The following CDCA8 variants were observed in gnomAD, a reference collection of about 807,000 sequenced individuals.
CDCA8 encodes borealin.
Under a neutral mutation model 40.0 loss-of-function variants are expected in CDCA8, and 25 were observed. That is an observed-to-expected ratio of 0.63 (90% confidence interval 0.46 to 0.87). CDCA8 has a LOEUF of 0.87. Ranked by LOEUF, CDCA8 falls within the 40% of genes least tolerant of loss-of-function variation. The probability of loss-of-function intolerance (pLI) is 0.00; values close to 1 mark genes in which losing one functional copy is unlikely to be tolerated. For synonymous variants in CDCA8, 111 were observed against 126.5 expected (o/e 0.88, Z 0.82); for missense variants, 280 against 348.4 (o/e 0.80, Z 1.56).
In CDCA8 at chr1:37,700,364, C is replaced by T. The variant is rs1645555508; in HGVS notation, c.338-72C>T. ...GCTTAAGATTGTGTACATTTTATTC[C>T]TATAAGAAATGTGAATGCACAAAAC... On this transcript the variant is annotated intron_variant, in intron 4 of 9. Coordinates refer to ENST00000373055, the MANE Select transcript of CDCA8 (RefSeq NM_001256875.2). 18 of 864,184 alleles carry T rather than the reference C, an allele frequency of 2.1e-5. No individual in the cohort carries two copies. The South Asian group carries it at 2.5e-4, about 12-fold the overall frequency. 53.5% of individuals were successfully genotyped at this position (864,184 alleles called of 1,614,324 possible). A position where few individuals can be genotyped will look rare whatever the true frequency, so the allele number is the denominator to read the frequency against.
intron 9 of CDCA8, 129 bp from the exon 10 acceptor site, chr1:37,708,193 A>T (rs1645615889): frequency 2.6e-6 from 2 of 768,434 alleles, no homozygotes; most frequent in Admixed American, 4.1e-5. Context: ...GATGAGAAAC[A>T]GGTTCAGAAA....
chr1:37,708,600 C>A lies in CDCA8; in HGVS notation c.*234C>A. 1.8e-6 allele frequency: 1 copy of A among 559,748 alleles called. No individual in the cohort carries two copies. Among genetic ancestry groups the A allele is most frequent in the Non-Finnish European group, 3.2e-6 (1 of 311,344 alleles). 34.7% of individuals were successfully genotyped at this position (559,748 alleles called of 1,614,324 possible). Reference sequence around the variant, plus strand: ...GCTTGCTGGGGCCATGCCATGGAAGCTTCCCATCAGTCTCCCAGCTGAATC... The same window carrying A: ...GCTTGCTGGGGCCATGCCATGGAAGATTCCCATCAGTCTCCCAGCTGAATC... On this transcript the variant is annotated 3_prime_UTR_variant, in exon 10 of 10. Coordinates refer to ENST00000373055, the MANE Select transcript of CDCA8 (RefSeq NM_001256875.2).
At chr1:37,693,711 T>C (rs1645499367) in intron 2 of CDCA8, among the ~76,000 whole-genome samples, 1 of 152,140 alleles carries the variant, frequency 6.6e-6, no homozygotes, top group Non-Finnish European at 1.5e-5. Context: ...AAAATAGTAT[T>C]TTTAAAAATA....
At chr1:37,702,036 A>AC (rs971916014) in intron 6 of CDCA8, among the ~76,000 whole-genome samples, 1 of 110,106 alleles carries the variant, frequency 9.1e-6, no homozygotes, top group African/African-American at 3.7e-5. Flanking sequence ...ATCCTTCCCC[A>AC]CTTTTTTTTT....
chr1:37,695,736 T>A (rs539171486), intron 2 of CDCA8, among the ~76,000 whole-genome samples, 174 bp from the exon 3 acceptor site: 2 of 152,266 alleles, frequency 1.3e-5, no homozygotes, highest in Non-Finnish European at 2.9e-5. Context: ...TGGCAACAAG[T>A]CATGAGAGTC....
chr1:37,702,251 C>G (rs1645570248), intron 6 of CDCA8, among the ~76,000 whole-genome samples: 1 of 151,742 alleles, frequency 6.6e-6, no homozygotes, highest in African/African-American at 2.4e-5. Flanking sequence ...GTTGGTCAGG[C>G]TGGTCTTGAA....
intron 5 of CDCA8, 80 bp from the exon 6 acceptor site, chr1:37,701,673 TA>T (rs71701232): frequency 0.088 from 55,583 of 632,956 alleles, 31 homozygotes; most frequent in Non-Finnish European, 0.097. Flanking sequence ...CTTAATGCTT[TA>T]AAAAAAAAAA....
intron 4 of CDCA8, among the ~76,000 whole-genome samples, chr1:37,699,469 C>G (rs150943802): frequency 6.6e-6 from 1 of 152,002 alleles, no homozygotes; most frequent in South Asian, 2.1e-4. Flanking sequence ...CGGTAGCTCA[C>G]GCCTGTAATC....
intron 9 of CDCA8, among the ~76,000 whole-genome samples, chr1:37,707,996 G>A (rs536566493): frequency 1.3e-5 from 2 of 152,260 alleles, no homozygotes; most frequent in East Asian, 3.9e-4. Flanking sequence ...TCCAAGGAAG[G>A]GGACAAGGCG....
chr1:37,698,181 T>C (rs1486957125), intron 3 of CDCA8, among the ~76,000 whole-genome samples: 1 of 152,236 alleles, frequency 6.6e-6, no homozygotes. Context: ...CATTAGGAAC[T>C]TGTATTGTTT....
chr1:37,707,934 G>A (rs1327177092), intron 9 of CDCA8, among the ~76,000 whole-genome samples: 1 of 152,232 alleles, frequency 6.6e-6, no homozygotes, highest in East Asian at 1.9e-4. Context: ...GAAGCACTTA[G>A]TGTAAACATG....
In CDCA8 at chr1:37,703,343, T is replaced by G. The variant is rs1218611587; in HGVS notation, c.580T>G (p.Ser194Ala). The change falls in exon 7 of 10, where the codon TCA (serine) becomes GCA (alanine). Residue 194 changes from serine (S) to alanine (A), a missense_variant. By Grantham distance (99) the Ser-to-Ala change is moderately conservative. Coordinates refer to ENST00000373055, the MANE Select transcript of CDCA8 (RefSeq NM_001256875.2). The part of the protein sequence containing the change: ...PTPGLTPRFD[S>A]RVFKTPGLRT... ...TCCAGGCCTGACACCCAGGTTTGAC[T>G]CAAGGTGAGTATCGAGGGAAACACT... 2 of 1,608,486 alleles carry G rather than the reference T, an allele frequency of 1.2e-6. No homozygotes were observed. The highest frequency in any genetic ancestry group is 3.3e-5 in the Admixed American group (2 of 60,000).
chr1:37,705,684 C>A, intron 8 of CDCA8, 117 bp downstream of exon 8: 1 of 1,178,846 alleles, frequency 8.5e-7, no homozygotes, highest in Non-Finnish European at 1.2e-6. Context: ...GGGTCCTGAT[C>A]TCCACACTTC....
intron 9 of CDCA8, among the ~76,000 whole-genome samples, chr1:37,708,063 C>T (rs895251552): frequency 8.5e-5 from 13 of 152,242 alleles, no homozygotes; most frequent in African/African-American, 3.1e-4. Context: ...AGATCCCACA[C>T]ACACCTAGCC....
At chr1:37,692,858 A>C (rs1438844546) in intron 1 of CDCA8, 47 bp from the exon 2 acceptor site, 2 of 1,613,028 alleles carry the variant, frequency 1.2e-6, no homozygotes, top group Admixed American at 3.3e-5. Context: ...AGCTGCACAG[A>C]TTCGCCCGCC....
intron 7 of CDCA8, 59 bp from the exon 8 acceptor site, chr1:37,705,382 T>A: frequency 1.2e-5 from 19 of 1,569,302 alleles, no homozygotes; most frequent in Non-Finnish European, 1.6e-5. Context: ...TAAAATGGCC[T>A]ATAGAGTTTG....
Position 37,705,465 on chromosome 1 carries a change from T to C in CDCA8, c.609T>C (p.Arg203=). ...GGGTCTTCAAGACCCCTGGCCTGCG[T>C]ACTCCAGCAGCAGGAGAGCGGATTT... ...DSRVFKTPGL[R]TPAAGERIYN... is the part of the protein sequence containing the mutation. Residue 203 remains arginine, a synonymous_variant, in exon 8 of 10, where the codon CGT becomes CGC. Transcript: ENST00000373055. 6.2e-7 allele frequency: 1 copy of C among 1,613,994 alleles called. No individual in the cohort carries two copies. The highest frequency in any genetic ancestry group is 8.5e-7 in the Non-Finnish European group (1 of 1,179,908).
At position 37,703,747 on chromosome 1, in the gene CDCA8, T is replaced by C. The variant is rs114808190; in HGVS notation, c.584+400T>C. On this transcript the variant is annotated intron_variant, in intron 7 of 9. Transcript: ENST00000373055. ...AGAAAAGAAAATAGTCCCGAGTCCT[T>C]GGCCTGGGATGCCTTGTCAGAGGAC... Among the ~76,000 whole-genome samples the C allele has an allele frequency of 9.8e-3, 1,498 of 152,208 alleles. 25 individuals are homozygous for C. The highest frequency in any genetic ancestry group is 0.034 in the African/African-American group (1,418 of 41,540).
intron 6 of CDCA8, 75 bp downstream of exon 6, chr1:37,701,893 G>A: frequency 9.1e-7 from 1 of 1,103,086 alleles, no homozygotes; most frequent in Non-Finnish European, 1.4e-6. Context: ...AAAGTGAGGG[G>A]CAGTGAAAAG....
Sources: allele counts gnomAD v4.1 joint callset (sites outside exome capture counted in the v4.1 genomes callset), GRCh38; gene constraint gnomAD v4.1.1; transcripts MANE v1.5; gene names NCBI Gene and HGNC (gene_info 2026-07-23, HGNC 2026-07-21).